Variants in GARIN6 observed in about 807,000 individuals in gnomAD.
The protein encoded by GARIN6 is Golgi-associated RAB2 interactor protein 6.
the GARIN6 span, chr12:99,648,332 T>C: frequency 6.2e-7 from 1 of 1,614,020 alleles, no homozygotes; most frequent in Non-Finnish European, 8.5e-7. Flanking sequence ...TTTATCCAGA[T>C]CAGCAAAAGA....
chr12:99,648,439 G>A, the GARIN6 span: 1 of 1,614,106 alleles, frequency 6.2e-7, no homozygotes, highest in Non-Finnish European at 8.5e-7. Context: ...CATGCTGCTG[G>A]CCCGACCAGC....
chr12:99,648,576 A>G, the GARIN6 span: 3 of 1,614,034 alleles, frequency 1.9e-6, no homozygotes, highest in African/African-American at 2.7e-5. Context: ...ACAACAGCGT[A>G]AAAAAACAGC....
the GARIN6 span, chr12:99,648,560 C>A: frequency 1.9e-6 from 3 of 1,614,178 alleles, no homozygotes; most frequent in Non-Finnish European, 2.5e-6. Flanking sequence ...GTGAAAATAA[C>A]CATCCACAAC....
the GARIN6 span, chr12:99,649,664 T>C: frequency 2.6e-6 from 1 of 380,926 alleles, no homozygotes; most frequent in Non-Finnish European, 4.8e-6. Flanking sequence ...AATCTTGTTA[T>C]AGCAAGGGCT....
chr12:99,648,935 C>A, the GARIN6 span: 1 of 1,175,086 alleles, frequency 8.5e-7, no homozygotes, highest in African/African-American at 1.6e-5. Flanking sequence ...CATTTGGAGG[C>A]CATGGTACAT....
At chr12:99,649,593 C>G in the GARIN6 span, 6,762 of 540,338 alleles carry the variant, frequency 0.013, 303 homozygotes, top group East Asian at 0.1. Context: ...GCAAAAGCAG[C>G]CTTCAGAGGT....
the GARIN6 span, chr12:99,649,579 A>C: frequency 1.8e-6 from 1 of 562,708 alleles, no homozygotes; most frequent in African/African-American, 1.9e-5. Context: ...GAAACACAGC[A>C]CTGGCAAAAG....
the GARIN6 span, chr12:99,647,803 G>A: frequency 6.9e-5 from 16 of 230,930 alleles, 1 homozygote; most frequent in African/African-American, 3.1e-4. Context: ...TGCCAGTTAA[G>A]GTTGTGGAAT....
At chr12:99,648,917 T>A in the GARIN6 span, 1 of 1,308,254 alleles carries the variant, frequency 7.6e-7, no homozygotes, top group Non-Finnish European at 1.0e-6. Flanking sequence ...GAAGGCCAAA[T>A]GAGCTTCCAT....
At chr12:99,648,787 G>T in the GARIN6 span, 2 of 1,609,170 alleles carry the variant, frequency 1.2e-6, no homozygotes, top group Non-Finnish European at 1.7e-6. Flanking sequence ...GAGGAGCCCA[G>T]TGGTGAGTCT....
the GARIN6 span, chr12:99,649,230 G>A: frequency 3.1e-6 from 4 of 1,293,956 alleles, no homozygotes; most frequent in Non-Finnish European, 4.5e-6. Context: ...TTTACCTATA[G>A]GAAGAGAAAG....
At chr12:99,649,285 T>A in the GARIN6 span, 1 of 1,611,684 alleles carries the variant, frequency 6.2e-7, no homozygotes, top group Non-Finnish European at 8.5e-7. Context: ...GTTCTCTCCC[T>A]AGGGATATGC....
chr12:99,648,055 C>T, the GARIN6 span: 1 of 1,387,070 alleles, frequency 7.2e-7, no homozygotes, highest in Non-Finnish European at 9.7e-7. Flanking sequence ...AAAAAGAAAG[C>T]CTGCAGAACA....
At chr12:99,648,284 A>G in the GARIN6 span, 1 of 1,614,220 alleles carries the variant, frequency 6.2e-7, no homozygotes, top group South Asian at 1.1e-5. Flanking sequence ...AAAGGCGAGT[A>G]TACTATATTC....
chr12:99,649,156 C>T, the GARIN6 span: 3 of 738,520 alleles, frequency 4.1e-6, no homozygotes, highest in Admixed American at 6.6e-5. Context: ...CTGCAATTGC[C>T]ACTTATATAC....
the GARIN6 span, chr12:99,649,407 T>A: frequency 2.5e-6 from 4 of 1,597,710 alleles, no homozygotes; most frequent in Non-Finnish European, 3.4e-6. Context: ...GAATCCAACA[T>A]ACCTCCCACA....
the GARIN6 span, chr12:99,648,282 G>A: frequency 6.2e-7 from 1 of 1,614,194 alleles, no homozygotes; most frequent in Non-Finnish European, 8.5e-7. Context: ...ACAAAGGCGA[G>A]TATACTATAT....
chr12:99,648,423 T>C, the GARIN6 span: 2 of 1,614,154 alleles, frequency 1.2e-6, no homozygotes, highest in East Asian at 4.5e-5. Context: ...TCACACTACC[T>C]GATGTCATGC....
the GARIN6 span, chr12:99,649,511 T>A: frequency 1.3e-6 from 1 of 781,852 alleles, no homozygotes; most frequent in South Asian, 1.6e-5. Flanking sequence ...GTGATGACAG[T>A]AAGCACCACC....
Sources: gnomAD v4.1 joint callset for allele counts on GRCh38, gnomAD v4.1.1 for gene constraint, MANE v1.5 for transcripts, NCBI Gene and HGNC (gene_info 2026-07-23, HGNC 2026-07-21) for gene names.